The following AFF2 variants were observed in gnomAD, a reference collection of about 807,000 sequenced individuals.
AFF2 encodes the protein ALF transcription elongation factor 2.
Under a neutral mutation model 76.9 loss-of-function variants are expected in AFF2, and 14 were observed. The ratio of observed to expected loss-of-function variants is 0.18; its 90% CI spans 0.12 to 0.28. The LOEUF (loss-of-function observed/expected upper bound fraction) is 0.28, where lower values mean the gene tolerates loss of function less well. Among genes scored for constraint, AFF2 ranks in the 10% least tolerant of loss-of-function variants. The pLI is 1.00. For synonymous variants in AFF2, 398 were observed against 366.7 expected (o/e 1.09, Z -0.98); for missense variants, 868 against 1,001.1 (o/e 0.87, Z 1.79).
intron 1 of AFF2, among the ~76,000 whole-genome samples, chrX:148,522,955 A>G (rs1300562973): frequency 8.0e-5 from 9 of 112,387 alleles, no homozygotes; most frequent in Admixed American, 7.5e-4. Flanking sequence ...CAAGGAAATC[A>G]TGCAAATTTC....
intron 3 of AFF2, among the ~76,000 whole-genome samples, chrX:148,783,452 A>C (rs2069770669): frequency 8.9e-6 from 1 of 112,046 alleles, no homozygotes; most frequent in Non-Finnish European, 1.9e-5. Flanking sequence ...GTACACTTAC[A>C]AGTGTTAATC....
chrX:148,603,069 T>C (rs2053641417), intron 1 of AFF2, among the ~76,000 whole-genome samples: 1 of 111,811 alleles, frequency 8.9e-6, no homozygotes, highest in African/African-American at 3.3e-5. Context: ...TCAAGGGTAA[T>C]GTCAGCAGCA....
At position 148,991,498 on chromosome X, in the gene AFF2, C is replaced by A; in HGVS notation, c.*166C>A. Reference sequence around the variant, plus strand: ...AAACAGAAGTCATTGTAAGTTGACACTACAACTTAAGGGCAGTGTACGTTT... The same window carrying A: ...AAACAGAAGTCATTGTAAGTTGACAATACAACTTAAGGGCAGTGTACGTTT... On this transcript the variant is annotated 3_prime_UTR_variant, in exon 21 of 21. Transcript: ENST00000370460. 1.7e-6 allele frequency: 1 copy of A among 593,653 alleles called. No individual in the cohort carries two copies. Among genetic ancestry groups the A allele is most frequent in the Non-Finnish European group, 2.4e-6 (1 of 415,125 alleles). 48.9% of individuals were successfully genotyped at this position (593,653 alleles called of 1,213,427 possible).
intron 1 of AFF2, among the ~76,000 whole-genome samples, chrX:148,529,468 A>C (rs1557235602): frequency 8.9e-6 from 1 of 112,251 alleles, no homozygotes; most frequent in African/African-American, 3.2e-5. Flanking sequence ...AAATGAGTAG[A>C]TTGTGCTTGT....
At position 148,843,010 on chromosome X, in the gene AFF2, G is replaced by C. The variant is rs2070619464; in HGVS notation, c.1210+8G>C. On this transcript the variant is annotated splice_region_variant and intron_variant, in intron 6 of 20. Transcript: ENST00000370460. Reference sequence around the variant, plus strand: ...CAGGATTCACCTTACAAAGTAAGTGGTTTTGAAAATCCTTCTTAGTCCAAA... The same window carrying C: ...CAGGATTCACCTTACAAAGTAAGTGCTTTTGAAAATCCTTCTTAGTCCAAA... 8.3e-7 allele frequency: 1 copy of C among 1,198,833 alleles called. No homozygotes were observed.
intron 9 of AFF2, among the ~76,000 whole-genome samples, chrX:148,911,637 G>A (rs2071470101): frequency 8.9e-6 from 1 of 112,307 alleles, no homozygotes; most frequent in Admixed American, 9.4e-5. Flanking sequence ...TTGACCAGAG[G>A]ATATCTTTGT....
intron 3 of AFF2, among the ~76,000 whole-genome samples, chrX:148,735,794 A>C (rs1208331107): frequency 9.0e-6 from 1 of 110,649 alleles, no homozygotes; most frequent in Admixed American, 9.7e-5. Context: ...CAAGTCCCCA[A>C]AGTCCATTGT....
At chrX:148,567,957 C>A (rs782697557) in intron 1 of AFF2, among the ~76,000 whole-genome samples, 5 of 111,083 alleles carry the variant, frequency 4.5e-5, no homozygotes, top group African/African-American at 1.3e-4. Context: ...CAGTCTCCAG[C>A]ATACTGGAGA....
rs1402592252 is a variant in AFF2, at chrX:148,996,946, G to T, written c.*5614G>T. ...ATGTAACTAGGATAAAGTATTTACG[G>T]GAACTCTATGGAGAATAGCACAATC... is the stretch of plus-strand genomic sequence containing the variant. On this transcript the variant is annotated 3_prime_UTR_variant, in exon 21 of 21. Transcript: ENST00000370460. 4 of 111,898 alleles carry T rather than the reference G, an allele frequency of 3.6e-5. No individual in the cohort carries two copies. The highest frequency in any genetic ancestry group is 7.5e-5 in the Non-Finnish European group (4 of 53,118). The allele number at this position is 111,898 out of a possible 1,213,427, so 9.2% of individuals were successfully genotyped here.
At chrX:148,688,442 C>T (rs142975045) in intron 3 of AFF2, among the ~76,000 whole-genome samples, 1,439 of 111,333 alleles carry the variant, frequency 0.013, 24 homozygotes, top group African/African-American at 0.045. Flanking sequence ...CTTTTCTGTT[C>T]CTGCAGTTTT....
In AFF2 at chrX:148,966,961, A is replaced by G. The variant is rs2072185405; in HGVS notation, c.3085A>G (p.Thr1029Ala). The G allele has an allele frequency of 1.7e-6, 2 of 1,210,913 alleles. No individual in the cohort carries two copies. Among genetic ancestry groups the G allele is most frequent in the Non-Finnish European group, 2.2e-6 (2 of 895,332 alleles). The stretch of plus-strand genomic sequence containing the variant: ...CACTACCATTTCCACCATCACCTCT[A>G]CCATCACTACTGGCCTCATGGATAG... ...TTTTISTITS[T>A]ITTGLMDSSH... The change falls in exon 14 of 21, where the codon ACC becomes GCC. Residue 1029 changes from threonine to alanine, a missense_variant. Physicochemically the swap from Thr to Ala is moderately conservative, Grantham distance 58. Transcript: ENST00000370460.
chrX:148,976,745 A>T (rs1557290311), intron 16 of AFF2, among the ~76,000 whole-genome samples: 3 of 112,847 alleles, frequency 2.7e-5, no homozygotes, highest in African/African-American at 9.7e-5. Context: ...ATAGAAATGT[A>T]TTTGTGAAAA....
intron 1 of AFF2, among the ~76,000 whole-genome samples, chrX:148,614,782 CTTTCTTTCTTCCTT>C (rs1569552181): frequency 5.5e-4 from 38 of 68,873 alleles, no homozygotes; most frequent in Non-Finnish European, 7.2e-4. Context: ...TTCTTTCTTT[CTTTCTTTCTTCCTT>C]TCTCTCTCTC....
intron 3 of AFF2, among the ~76,000 whole-genome samples, chrX:148,733,308 T>C (rs2055249308): frequency 9.0e-6 from 1 of 111,597 alleles, no homozygotes; most frequent in South Asian, 3.7e-4. Context: ...ACATCTCCAG[T>C]ACTGTCATCT....
At chrX:148,723,912 C>CTTTTTTTT (rs1295941138) in intron 3 of AFF2, among the ~76,000 whole-genome samples, 1 of 95,993 alleles carries the variant, frequency 1.0e-5, no homozygotes. Flanking sequence ...TTCTTTTTTT[C>CTTTTTTTT]TTTTTTCTTT....
At chrX:148,843,817 C>T (rs987979470) in intron 7 of AFF2, among the ~76,000 whole-genome samples, 2 of 110,704 alleles carry the variant, frequency 1.8e-5, no homozygotes, top group African/African-American at 3.3e-5. Flanking sequence ...CAGGCCTCCT[C>T]TTATAAGGGC....
chrX:148,764,723 AGT>A (rs2069491911), intron 3 of AFF2, among the ~76,000 whole-genome samples: 1 of 112,420 alleles, frequency 8.9e-6, no homozygotes. Context: ...GTATGAAAAG[AGT>A]GTGTATGACA....
chrX:148,878,383 G>T (rs1557278120), intron 7 of AFF2, among the ~76,000 whole-genome samples: 1 of 111,832 alleles, frequency 8.9e-6, no homozygotes, highest in African/African-American at 3.3e-5. Context: ...TACTGTCTGT[G>T]CCCTGACCCA....
chrX:148,915,582 G>A (rs1277626501), intron 9 of AFF2, among the ~76,000 whole-genome samples: 2 of 112,196 alleles, frequency 1.8e-5, no homozygotes, highest in African/African-American at 3.2e-5. Context: ...GAGCTCCTTC[G>A]TACTCATTCA....
Sources: allele counts gnomAD v4.1 joint callset (sites outside exome capture counted in the v4.1 genomes callset), GRCh38; gene constraint gnomAD v4.1.1; transcripts MANE v1.5; gene names NCBI Gene and HGNC (gene_info 2026-07-23, HGNC 2026-07-21).